The following HSD17B4 variants were observed in gnomAD, a reference collection of about 807,000 sequenced individuals.
HSD17B4 encodes hydroxysteroid 17-beta dehydrogenase 4, also known as peroxisomal multifunctional enzyme type 2.
A neutral mutation model predicts 101.0 loss-of-function variants in HSD17B4; 70 were observed. The ratio of observed to expected loss-of-function variants is 0.69; its 90% confidence interval spans 0.57 to 0.85. The LOEUF is 0.85. Among genes scored for constraint, HSD17B4 ranks in the 40% least tolerant of loss-of-function variants. The pLI, the probability that HSD17B4 is intolerant of heterozygous loss-of-function variation, is 0.00. For synonymous variants in HSD17B4, 347 were observed against 297.1 expected, an observed-to-expected ratio of 1.17 and a Z score of -1.73; for missense variants, 984 against 892.4, an observed-to-expected ratio of 1.10 and a Z score of -1.31.
intron 4 of HSD17B4, among the ~76,000 whole-genome samples, chr5:119,475,458 TAGAG>T (rs908446780): frequency 7.9e-5 from 12 of 152,120 alleles, no homozygotes; most frequent in African/African-American, 2.9e-4. Context: ...AGAATTTTGA[TAGAG>T]AGGTGGGAAA....
chr5:119,468,643 T>A (rs1479989282), intron 2 of HSD17B4, among the ~76,000 whole-genome samples: 1 of 152,200 alleles, frequency 6.6e-6, no homozygotes, highest in Non-Finnish European at 1.5e-5. Context: ...GTGTCCTGGA[T>A]ATGGATGTCC....
chr5:119,486,345 T>G (rs952429712), intron 8 of HSD17B4, among the ~76,000 whole-genome samples: 1 of 152,186 alleles, frequency 6.6e-6, no homozygotes, highest in African/African-American at 2.4e-5. Flanking sequence ...TCTTGATGAC[T>G]TGCTGTCATG....
Position 119,542,158 on chromosome 5 carries a change from A to T in HSD17B4, c.*164A>T, listed in dbSNP as rs1488420662. On this transcript the variant is annotated 3_prime_UTR_variant, in exon 24 of 24. Transcript: ENST00000510025. ...GATTTTCATTTTCTACTAATTTTTC[A>T]TGTATCATTATTTTTACAAGGAACT... The T allele has an allele frequency of 1.6e-6, 1 of 613,748 alleles. No individual in the cohort carries two copies. Among genetic ancestry groups the T allele is most frequent in the Admixed American group, 2.5e-5 (1 of 40,486 alleles). The allele number at this position is 613,748 out of a possible 1,614,324, so 38.0% of individuals were successfully genotyped here. A position where few individuals can be genotyped will look rare whatever the true frequency, so the allele number is the denominator to read the frequency against.
intron 11 of HSD17B4, 48 bp from the exon 12 acceptor site, chr5:119,496,495 C>A: frequency 1.0e-6 from 1 of 987,384 alleles, no homozygotes; most frequent in Non-Finnish European, 1.6e-6. Flanking sequence ...TTCTTAGTCA[C>A]ATCTTTAACA....
At chr5:119,522,535 G>A (rs1753213075) in intron 17 of HSD17B4, among the ~76,000 whole-genome samples, 1 of 152,264 alleles carries the variant, frequency 6.6e-6, no homozygotes, top group South Asian at 2.1e-4. Flanking sequence ...GTGTTGTACA[G>A]ATGAAGAATA....
chr5:119,485,166 G>A (rs1210807460), intron 8 of HSD17B4, among the ~76,000 whole-genome samples: 1 of 152,042 alleles, frequency 6.6e-6, no homozygotes, highest in Non-Finnish European at 1.5e-5. Context: ...TAGAATTTGT[G>A]CTGATCATCC....
chr5:119,495,275 G>C (rs1398865678), intron 11 of HSD17B4, among the ~76,000 whole-genome samples: 1 of 152,042 alleles, frequency 6.6e-6, no homozygotes, highest in Non-Finnish European at 1.5e-5. Context: ...ATCTCAAAAA[G>C]TATTTCTGCC....
chr5:119,541,731 TA>T (rs1029789306), intron 23 of HSD17B4, among the ~76,000 whole-genome samples, 173 bp from the exon 24 acceptor site: 3 of 151,884 alleles, frequency 2.0e-5, no homozygotes, highest in Admixed American at 6.6e-5. Flanking sequence ...TTTAGATGTC[TA>T]AAAAAATGTG....
At chr5:119,468,807 TC>T (rs1380717031) in intron 2 of HSD17B4, among the ~76,000 whole-genome samples, 1 of 151,600 alleles carries the variant, frequency 6.6e-6, no homozygotes, top group African/African-American at 2.4e-5. Flanking sequence ...TTTTTCTCTT[TC>T]CTTTTTTTTT....
intron 2 of HSD17B4, chr5:119,464,740 C>G (rs1755642213): frequency 6.6e-6 from 1 of 152,048 alleles, no homozygotes; most frequent in African/African-American, 2.4e-5. Context: ...CTACAGGCAC[C>G]CGCCACCACG....
intron 12 of HSD17B4, among the ~76,000 whole-genome samples, chr5:119,497,572 TTTG>T (rs1296555994): frequency 6.6e-6 from 1 of 152,216 alleles, no homozygotes; most frequent in East Asian, 1.9e-4. Context: ...TCCCAGGTTC[TTTG>T]TTGTGTTTTT....
At chr5:119,456,468 A>T in intron 2 of HSD17B4, 100 bp downstream of exon 2, 1 of 854,468 alleles carries the variant, frequency 1.2e-6, no homozygotes, top group Non-Finnish European at 2.0e-6. Context: ...GTCAAGGTTG[A>T]ATTTTATTAT....
Position 119,465,018 on chromosome 5 carries a change from AT to A in HSD17B4, c.112+8663del, listed in dbSNP as rs545653476. ...TTTGTGGTTTCATGTGAATTTTAGG[AT>A]TTTTTTTTTTTTCTGTTTCTTTGAA... On this transcript the variant is annotated intron_variant, in intron 2 of 23. Transcript: ENST00000510025. Among the ~76,000 whole-genome samples the A allele has an allele frequency of 3.7e-3, 523 of 141,312 alleles. 8 individuals carry two copies. In the South Asian group the frequency reaches 0.054, roughly 15 times the overall value. The allele number at this position is 141,312 out of a possible 152,430, so 92.7% of individuals were successfully genotyped here.
Position 119,475,851 on chromosome 5 carries a change from G to A in HSD17B4, c.330G>A (p.Arg110=), listed in dbSNP as rs181010091. ...TTCTGAGGGATCGTTCCTTTGCTAG[G>A]ATAAGTGATGAAGACTGGGGTAAGT... The part of the protein sequence containing the change: ...AGILRDRSFA[R]ISDEDWDIIH... Residue 110 remains arginine, a synonymous_variant, in exon 6 of 24, where the codon AGG becomes AGA. Transcript: ENST00000510025. 1.8e-5 allele frequency: 29 copies of A among 1,598,404 alleles called. No individual in the cohort carries two copies. In the African/African-American group the frequency reaches 3.5e-4, roughly 19 times the overall value.
rs1554064664 is a variant in HSD17B4, at chr5:119,494,320, C to CTTTCT, written c.868+382_868+386dup. Among the ~76,000 whole-genome samples, 222 of 148,388 alleles carry CTTTCT rather than the reference C, an allele frequency of 1.5e-3. 1 individual carries two copies. Among genetic ancestry groups the CTTTCT allele is most frequent in the Non-Finnish European group, 2.5e-3 (167 of 67,078 alleles). On this transcript the variant is annotated intron_variant, in intron 11 of 23. Transcript: ENST00000510025. ...TATTTTTCTCTTTCTTCCTTTCTTT[C>CTTTCT]TTTCTTTTCTTTCTTTCTTTCTTTC...
intron 16 of HSD17B4, among the ~76,000 whole-genome samples, chr5:119,511,946 A>G (rs1055517435): frequency 3.9e-5 from 6 of 152,240 alleles, no homozygotes; most frequent in African/African-American, 1.4e-4. Context: ...GACAGACTTC[A>G]CAGCAGCTGT....
chr5:119,531,167 A>G, intron 21 of HSD17B4, 99 bp from the exon 22 acceptor site: 1 of 1,192,102 alleles, frequency 8.4e-7, no homozygotes, highest in East Asian at 2.4e-5. Context: ...TTATGTACAG[A>G]GTTTTAAAAA....
chr5:119,526,763 C>T (rs1368779069), intron 19 of HSD17B4, among the ~76,000 whole-genome samples: 2 of 151,860 alleles, frequency 1.3e-5, no homozygotes, highest in Non-Finnish European at 2.9e-5. Flanking sequence ...TTTTGCCCTG[C>T]ATACTCACCC....
intron 5 of HSD17B4, 45 bp from the exon 6 acceptor site, chr5:119,475,779 G>T (rs773804308): frequency 6.3e-7 from 1 of 1,578,896 alleles, no homozygotes; most frequent in Admixed American, 1.7e-5. Context: ...TTTTTAAAAA[G>T]TATATACTTT....
Sources: allele counts gnomAD v4.1 joint callset (sites outside exome capture counted in the v4.1 genomes callset), GRCh38; gene constraint gnomAD v4.1.1; transcripts MANE v1.5; gene names NCBI Gene and HGNC (gene_info 2026-07-23, HGNC 2026-07-21).